FHIP1A: variants seen among roughly 807,000 people sequenced by gnomAD.
FHIP1A encodes FHF complex subunit HOOK-interacting protein 1A.
In FHIP1A, 61 loss-of-function variants were observed where a neutral mutation model predicts 88.6. That is an observed-to-expected ratio of 0.69 (90% confidence interval 0.56 to 0.85). FHIP1A has a LOEUF of 0.85. FHIP1A is among the 40% of genes least tolerant of loss of function. The pLI, the probability that FHIP1A is intolerant of heterozygous loss-of-function variation, is 0.00. For missense variants in FHIP1A, 1,154 were observed against 1,273.5 expected, an observed-to-expected ratio of 0.91 and a Z score of 1.43; for synonymous variants, 478 against 496.0, an observed-to-expected ratio of 0.96 and a Z score of 0.48.
At chr4:151,641,742 C>A (rs1433509344) in intron 9 of FHIP1A, among the ~76,000 whole-genome samples, 1 of 152,012 alleles carries the variant, frequency 6.6e-6, no homozygotes, top group Non-Finnish European at 1.5e-5. Flanking sequence ...AGAATCTGTG[C>A]AAAAAGCAAA....
At chr4:151,468,371 T>A (rs1729401558) in intron 2 of FHIP1A, among the ~76,000 whole-genome samples, 1 of 152,048 alleles carries the variant, frequency 6.6e-6, no homozygotes, top group South Asian at 2.1e-4. Flanking sequence ...CCAAGCAATT[T>A]GTATTTAATA....
intron 3 of FHIP1A, among the ~76,000 whole-genome samples, chr4:151,501,413 G>A (rs1446274839): frequency 6.6e-6 from 1 of 152,038 alleles, no homozygotes; most frequent in South Asian, 2.1e-4. Flanking sequence ...ATGTACAAGT[G>A]TTTCTATTTC....
At chr4:151,498,388 A>C (rs1040419467) in intron 3 of FHIP1A, among the ~76,000 whole-genome samples, 2 of 152,166 alleles carry the variant, frequency 1.3e-5, no homozygotes, top group Non-Finnish European at 2.9e-5. Context: ...AATAGGGAAC[A>C]GTTGTCTTAA....
intron 7 of FHIP1A, among the ~76,000 whole-genome samples, chr4:151,592,787 T>C (rs2126814726): frequency 6.6e-6 from 1 of 152,362 alleles, no homozygotes. Context: ...TTTATCAATT[T>C]TGGCTTTTGT....
chr4:151,578,330 T>C (rs1733886991), intron 5 of FHIP1A, among the ~76,000 whole-genome samples: 1 of 152,198 alleles, frequency 6.6e-6, no homozygotes, highest in Non-Finnish European at 1.5e-5. Flanking sequence ...TAATTTTTAC[T>C]GCATTAAGAA....
At chr4:151,608,651 T>A (rs1426719831) in intron 7 of FHIP1A, among the ~76,000 whole-genome samples, 1 of 152,188 alleles carries the variant, frequency 6.6e-6, no homozygotes, top group Non-Finnish European at 1.5e-5. Context: ...TTCGCTGAAC[T>A]AGGATTCAGA....
At chr4:151,646,388 A>G (rs1045331972) in intron 9 of FHIP1A, among the ~76,000 whole-genome samples, 170 bp from the exon 10 acceptor site, 11 of 152,252 alleles carry the variant, frequency 7.2e-5, no homozygotes, top group Non-Finnish European at 1.0e-4. Context: ...TTCTTTCAGA[A>G]GAAATTAAGC....
intron 1 of FHIP1A, among the ~76,000 whole-genome samples, chr4:151,425,120 G>A (rs548538560): frequency 6.6e-6 from 1 of 152,294 alleles, no homozygotes; most frequent in Admixed American, 6.5e-5. Context: ...GATACAATAG[G>A]TTCTGTATAG....
chr4:151,504,750 T>G (rs1580643020), intron 3 of FHIP1A, among the ~76,000 whole-genome samples: 1 of 152,096 alleles, frequency 6.6e-6, no homozygotes, highest in Non-Finnish European at 1.5e-5. Context: ...GCCTCCCAGA[T>G]AGCTGGGATT....
At chr4:151,570,558 C>T (rs916398569) in intron 4 of FHIP1A, among the ~76,000 whole-genome samples, 1 of 152,134 alleles carries the variant, frequency 6.6e-6, no homozygotes, top group African/African-American at 2.4e-5. Context: ...CTCAAGAGAT[C>T]CTGCTCCCTC....
At chr4:151,533,781 T>A (rs1467909666) in intron 3 of FHIP1A, among the ~76,000 whole-genome samples, 1 of 152,250 alleles carries the variant, frequency 6.6e-6, no homozygotes, top group Non-Finnish European at 1.5e-5. Flanking sequence ...GAGAAGGTGC[T>A]GCACTTGTAC....
At chr4:151,614,531 T>C (rs1162032624) in intron 7 of FHIP1A, among the ~76,000 whole-genome samples, 1 of 151,958 alleles carries the variant, frequency 6.6e-6, no homozygotes, top group East Asian at 1.9e-4. Flanking sequence ...CAGTCTGGTG[T>C]ATATTTTCTG....
chr4:151,501,852 C>T (rs1211801755), intron 3 of FHIP1A, among the ~76,000 whole-genome samples: 2 of 149,046 alleles, frequency 1.3e-5, no homozygotes, highest in Non-Finnish European at 3.0e-5. Flanking sequence ...TATTAGAAAA[C>T]CTGGTTCTCA....
intron 3 of FHIP1A, among the ~76,000 whole-genome samples, chr4:151,490,176 T>C (rs531192253): frequency 6.6e-6 from 1 of 152,302 alleles, no homozygotes; most frequent in African/African-American, 2.4e-5. Context: ...GTGTGACAGC[T>C]TCACAGCTAG....
At chr4:151,460,800 T>C (rs1198651757) in intron 2 of FHIP1A, among the ~76,000 whole-genome samples, 1 of 152,158 alleles carries the variant, frequency 6.6e-6, no homozygotes, top group Non-Finnish European at 1.5e-5. Flanking sequence ...TCTGAGCAGA[T>C]TAGGAATTCA....
At chr4:151,631,882 A>G (rs750895076) in intron 8 of FHIP1A, among the ~76,000 whole-genome samples, 3 of 152,162 alleles carry the variant, frequency 2.0e-5, no homozygotes, top group Non-Finnish European at 4.4e-5. Flanking sequence ...TATTGGGAAA[A>G]GAGGAATAAA....
intron 3 of FHIP1A, among the ~76,000 whole-genome samples, chr4:151,513,478 A>C (rs1486489957): frequency 6.6e-6 from 1 of 152,236 alleles, no homozygotes; most frequent in Admixed American, 6.5e-5. Context: ...TAAATGGACT[A>C]AATGCTCCAA....
At chr4:151,441,025 A>G (rs1439145348) in intron 1 of FHIP1A, among the ~76,000 whole-genome samples, 1 of 152,048 alleles carries the variant, frequency 6.6e-6, no homozygotes, top group Non-Finnish European at 1.5e-5. Context: ...CTAATTGACT[A>G]CGCCAGCTTC....
chr4:151,643,619 C>T (rs1297282815), intron 9 of FHIP1A, among the ~76,000 whole-genome samples: 1 of 152,138 alleles, frequency 6.6e-6, no homozygotes, highest in Non-Finnish European at 1.5e-5. Flanking sequence ...CCTCTGTAAC[C>T]ACCATTCTAC....
Sources: allele counts gnomAD v4.1 joint callset (sites outside exome capture counted in the v4.1 genomes callset), GRCh38; gene constraint gnomAD v4.1.1; transcripts MANE v1.5; gene names NCBI Gene and HGNC (gene_info 2026-07-23, HGNC 2026-07-21).